Variants in INCENP observed in about 807,000 individuals in gnomAD.
INCENP encodes the protein binds and activates aurora-B and -C in vivo and in vitro.
A neutral mutation model predicts 107.3 loss-of-function variants in INCENP; 43 were observed. The ratio of observed to expected loss-of-function variants is 0.40; its 90% CI spans 0.31 to 0.52. The LOEUF is 0.52. INCENP is among the 20% of genes least tolerant of loss of function. The pLI is 0.53. For synonymous variants in INCENP, 488 were observed against 494.4 expected (o/e 0.99, Z 0.17); for missense variants, 1,089 against 1,250.9 (o/e 0.87, Z 1.95).
At position 62,148,503 on chromosome 11, in the gene INCENP, G is replaced by A. The variant is rs1257845647; in HGVS notation, c.2232G>A (p.Leu744=). 1 of 1,607,986 alleles carries A rather than the reference G, an allele frequency of 6.2e-7. No individual in the cohort carries two copies. Among genetic ancestry groups the A allele is most frequent in the Non-Finnish European group, 8.5e-7 (1 of 1,178,092 alleles). The change falls in exon 16 of 19, where the codon CTG becomes CTA. Residue 744 remains leucine (L), a synonymous_variant. Transcript: ENST00000394818. ...ERELQEREKA[L]RLQKEQLQRE... ...AGCTGCAGGAGCGGGAGAAGGCCCT[G>A]CGGCTGCAGAAGGAGCAGCTGCAGA...
chr11:62,140,972 C>T lies in INCENP; in HGVS notation c.1521C>T (p.Thr507=), dbSNP rs1166204608. The T allele has an allele frequency of 6.2e-7, 1 of 1,614,242 alleles. No homozygotes were observed. Among genetic ancestry groups the T allele is most frequent in the East Asian group, 2.2e-5 (1 of 44,874 alleles). The part of the protein sequence containing the change: ...HTVQRNQMLM[T]PTSAPRSVMK... The stretch of plus-strand genomic sequence containing the variant: ...TGCAGAGGAACCAGATGCTCATGAC[C>T]CCGACCTCAGCCCCACGCAGCGTCA... Residue 507 remains threonine, a synonymous_variant, in exon 10 of 19, where the codon ACC becomes ACT. Coordinates refer to ENST00000394818, the MANE Select transcript of INCENP (RefSeq NM_001040694.2).
At chr11:62,128,910 T>C (rs368134326) in intron 3 of INCENP, 27 bp downstream of exon 3, 15 of 1,442,028 alleles carry the variant, frequency 1.0e-5, no homozygotes, top group Non-Finnish European at 1.5e-5. Flanking sequence ...GAGAGTGAGC[T>C]GAGCAGTGGG....
intron 4 of INCENP, among the ~76,000 whole-genome samples, chr11:62,134,636 A>T (rs1034390450): frequency 1.3e-5 from 2 of 152,232 alleles, no homozygotes; most frequent in African/African-American, 4.8e-5. Flanking sequence ...CTTTTCCAAA[A>T]CAAAAATGTA....
intron 17 of INCENP, among the ~76,000 whole-genome samples, chr11:62,149,641 G>A (rs115094749): frequency 6.6e-6 from 1 of 152,260 alleles, no homozygotes; most frequent in African/African-American, 2.4e-5. Context: ...TAAAAAGTAG[G>A]CCTGGTGCAG....
chr11:62,126,306 C>T (rs989770988), intron 1 of INCENP, among the ~76,000 whole-genome samples: 4 of 152,064 alleles, frequency 2.6e-5, no homozygotes, highest in African/African-American at 9.7e-5. Context: ...AGCGATTCTC[C>T]TGCGTCAGCC....
At chr11:62,135,213 G>A (rs1441534603) in intron 4 of INCENP, among the ~76,000 whole-genome samples, 1 of 152,166 alleles carries the variant, frequency 6.6e-6, no homozygotes, top group East Asian at 1.9e-4. Context: ...TGTGGAATCT[G>A]AAACCATGTT....
chr11:62,147,492 G>A (rs1944277054), intron 15 of INCENP, among the ~76,000 whole-genome samples: 1 of 152,174 alleles, frequency 6.6e-6, no homozygotes, highest in Admixed American at 6.5e-5. Context: ...GTTGTTCTGA[G>A]AGTCGTGGGG....
At position 62,152,029 on chromosome 11, in the gene INCENP, C is replaced by G. The variant is rs1012361358; in HGVS notation, c.*53C>G. 81 of 1,387,952 alleles carry G rather than the reference C, an allele frequency of 5.8e-5. No individual in the cohort carries two copies. The highest frequency in any genetic ancestry group is 1.4e-4 in the Admixed American group (8 of 55,964). The allele number at this position is 1,387,952 out of a possible 1,614,324, so 86.0% of individuals were successfully genotyped here. A position where few individuals can be genotyped will look rare whatever the true frequency, so the allele number is the denominator to read the frequency against. ...TCGCCTCCTGTCCATGTCTATCTGT[C>G]TGTCTGTCGGTCTCTGTCTTGGTCT... On this transcript the variant is annotated 3_prime_UTR_variant, in exon 19 of 19. Coordinates refer to ENST00000394818, the MANE Select transcript of INCENP (RefSeq NM_001040694.2).
intron 4 of INCENP, among the ~76,000 whole-genome samples, chr11:62,131,938 C>T (rs983832878): frequency 9.9e-5 from 15 of 152,148 alleles, no homozygotes; most frequent in African/African-American, 3.6e-4. Flanking sequence ...CCCGCCATCA[C>T]ACCAGGCTAA....
At chr11:62,128,466 G>T (rs1353486800) in intron 2 of INCENP, among the ~76,000 whole-genome samples, 165 bp downstream of exon 2, 1 of 152,242 alleles carries the variant, frequency 6.6e-6, no homozygotes. Flanking sequence ...GCCTGACCTA[G>T]TGTCATGGGA....
intron 4 of INCENP, among the ~76,000 whole-genome samples, chr11:62,131,509 C>T (rs184708314): frequency 2.0e-5 from 3 of 152,136 alleles, no homozygotes; most frequent in East Asian, 1.9e-4. Flanking sequence ...AGGATGGCTG[C>T]GCTTTTGCTG....
chr11:62,141,949 G>A (rs1238932841), intron 11 of INCENP, among the ~76,000 whole-genome samples: 1 of 152,230 alleles, frequency 6.6e-6, no homozygotes, highest in East Asian at 1.9e-4. Flanking sequence ...TGATGGGGGA[G>A]CGCAAGTGTG....
chr11:62,135,311 A>G (rs1452243528), intron 4 of INCENP, among the ~76,000 whole-genome samples: 1 of 151,964 alleles, frequency 6.6e-6, no homozygotes, highest in Non-Finnish European at 1.5e-5. Flanking sequence ...TCTGTCGCCC[A>G]GGCTGGAGTG....
At chr11:62,138,636 G>C (rs1178412612) in intron 5 of INCENP, 77 bp from the exon 6 acceptor site, 1 of 1,424,402 alleles carries the variant, frequency 7.0e-7, no homozygotes, top group South Asian at 1.2e-5. Flanking sequence ...CCCATCCCTG[G>C]AATGGTAGAG....
intron 1 of INCENP, among the ~76,000 whole-genome samples, chr11:62,125,983 A>G (rs893998237): frequency 6.6e-6 from 1 of 152,180 alleles, no homozygotes; most frequent in Admixed American, 6.5e-5. Flanking sequence ...GATCCAAGCC[A>G]TGAGGAGTGA....
Position 62,148,810 on chromosome 11 carries a change from G to C in INCENP, c.2355G>C (p.Gly785=). ...AGAAGAAAGCCAAGGAGGCAGCAGG[G>C]GCCAGCAAGGCCCTGAATGTGACTG... ...EQEKKAKEAA[G]ASKALNVTVD... Residue 785 remains glycine, a synonymous_variant, in exon 17 of 19, where the codon GGG becomes GGC. Coordinates refer to ENST00000394818, the MANE Select transcript of INCENP (RefSeq NM_001040694.2). 1 of 1,607,676 alleles carries C rather than the reference G, an allele frequency of 6.2e-7. No individual in the cohort carries two copies. The highest frequency in any genetic ancestry group is 8.5e-7 in the Non-Finnish European group (1 of 1,177,500).
At chr11:62,141,476 C>G in intron 10 of INCENP, 24 bp from the exon 11 acceptor site, 1 of 1,613,996 alleles carries the variant, frequency 6.2e-7, no homozygotes, top group South Asian at 1.1e-5. Context: ...TTAACTCTTG[C>G]CTTTTCCCTT....
Position 62,129,942 on chromosome 11 carries a change from G to T in INCENP, c.415G>T (p.Ala139Ser). ...AAAAAATMAL[A>S]APSSPTPESP... ...AGCTGCCGCGGCTACCATGGCATTGGCTGCACCTTCTTCACCCACCCCTGA... is the reference window on the plus strand; with the variant it reads ...AGCTGCCGCGGCTACCATGGCATTGTCTGCACCTTCTTCACCCACCCCTGA... Residue 139 changes from alanine (A) to serine (S), a missense_variant, in exon 4 of 19, where the codon GCT (alanine) becomes TCT (serine). Transcript: ENST00000394818. 1 of 1,614,046 alleles carries T rather than the reference G, an allele frequency of 6.2e-7. No individual in the cohort carries two copies. The highest frequency in any genetic ancestry group is 8.5e-7 in the Non-Finnish European group (1 of 1,180,024).
At chr11:62,129,312 C>A (rs1463707722) in intron 3 of INCENP, among the ~76,000 whole-genome samples, 1 of 151,938 alleles carries the variant, frequency 6.6e-6, no homozygotes, top group Admixed American at 6.5e-5. Context: ...GAGGCTGGGT[C>A]TTGGGGTTAG....
Sources: gnomAD v4.1 joint callset for allele counts (sites outside exome capture counted in the v4.1 genomes callset) on GRCh38, gnomAD v4.1.1 for gene constraint, MANE v1.5 for transcripts, NCBI Gene and HGNC (gene_info 2026-07-23, HGNC 2026-07-21) for gene names.